The following CCDC141 variants were observed in gnomAD, a reference collection of about 807,000 sequenced individuals.
The protein encoded by CCDC141 is coiled-coil domain-containing protein 141.
A neutral mutation model predicts 181.0 loss-of-function variants in CCDC141; 168 were observed. The ratio of observed to expected loss-of-function variants is 0.93; its 90% CI spans 0.82 to 1.05. The LOEUF (loss-of-function observed/expected upper bound fraction) is 1.05, where lower values mean the gene tolerates loss of function less well. Among genes scored for constraint, CCDC141 ranks in the 50% least tolerant of loss-of-function variants. CCDC141 has a pLI of 0.00. For synonymous variants in CCDC141, 666 were observed against 642.3 expected, an observed-to-expected ratio of 1.04 and a Z score of -0.56; for missense variants, 1,902 against 1,788.5, an observed-to-expected ratio of 1.06 and a Z score of -1.14.
chr2:178,944,674 A>C (rs777603237), intron 5 of CCDC141, 23 bp from the exon 6 acceptor site: 17 of 1,123,588 alleles, frequency 1.5e-5, no homozygotes, highest in Non-Finnish European at 2.0e-5. Context: ...CAACAAAGAA[A>C]GATCAAAATT....
At position 178,834,382 on chromosome 2, in the gene CCDC141, T is replaced by A. The variant is rs934941192; in HGVS notation, c.4384A>T (p.Thr1462Ser). The A allele has an allele frequency of 5.2e-6, 8 of 1,536,314 alleles. No individual in the cohort carries two copies. Among genetic ancestry groups the A allele is most frequent in the Non-Finnish European group, 6.1e-6 (7 of 1,146,914 alleles). The change falls in exon 24 of 24, where the codon ACA becomes TCA. Residue 1462 changes from threonine to serine, a missense_variant. Coordinates refer to ENST00000443758, the MANE Select transcript of CCDC141 (RefSeq NM_173648.4). ...TTTGGAATGAACACCGAATGCCTTG[T>A]CTCCTTGTGTAAAACCTGTAAGTGC... ...DGHLQVLHKE[T>S]RHSVFIPKVC...
At chr2:178,896,837 G>GGT (rs1687431659) in intron 8 of CCDC141, among the ~76,000 whole-genome samples, 1 of 152,076 alleles carries the variant, frequency 6.6e-6, no homozygotes, top group South Asian at 2.1e-4. Context: ...CATTTCACAG[G>GGT]GTGGTTTTGA....
intron 2 of CCDC141, among the ~76,000 whole-genome samples, chr2:179,000,639 A>G (rs1408251568): frequency 6.6e-6 from 1 of 152,170 alleles, no homozygotes; most frequent in Non-Finnish European, 1.5e-5. Context: ...CTGTTGTTAA[A>G]TTTTAAATCT....
At chr2:178,923,165 C>T (rs1405428870) in intron 6 of CCDC141, among the ~76,000 whole-genome samples, 10 of 144,364 alleles carry the variant, frequency 6.9e-5, no homozygotes, top group Non-Finnish European at 1.2e-4. Flanking sequence ...AGTGCAGTGG[C>T]GGGATCTCGG....
At chr2:178,817,577 T>G in the CCDC141 span, 26 of 470,964 alleles carry the variant, frequency 5.5e-5, no homozygotes, top group Non-Finnish European at 1.1e-4. Flanking sequence ...AAGTGACACA[T>G]GGTCCTGATC....
intron 2 of CCDC141, among the ~76,000 whole-genome samples, chr2:179,043,896 T>C (rs191491570): frequency 4.2e-4 from 64 of 152,262 alleles, no homozygotes; most frequent in African/African-American, 1.4e-3. Flanking sequence ...TCTAAGGACA[T>C]AGGAAAAATC....
At chr2:178,845,139 C>T (rs192615061) in intron 22 of CCDC141, among the ~76,000 whole-genome samples, 3 of 152,052 alleles carry the variant, frequency 2.0e-5, no homozygotes, top group Non-Finnish European at 4.4e-5. Context: ...GATAAATGTG[C>T]CTGGAAATAT....
At chr2:178,857,258 C>T (rs1254912909) in intron 17 of CCDC141, among the ~76,000 whole-genome samples, 1 of 152,142 alleles carries the variant, frequency 6.6e-6, no homozygotes, top group East Asian at 1.9e-4. Flanking sequence ...GAAGCGTTGA[C>T]ATTTAGACCA....
At position 178,837,667 on chromosome 2, in the gene CCDC141, G is replaced by A. The variant is rs1278132487; in HGVS notation, c.3552C>T (p.Ser1184=). The change falls in exon 23 of 24, where the codon TCC becomes TCT. Residue 1184 remains serine (S), a synonymous_variant. Coordinates refer to ENST00000443758, the MANE Select transcript of CCDC141 (RefSeq NM_173648.4). Reference sequence around the variant, plus strand: ...CCTGGACGCCACCCTCCTTGTCAGTGGACACCTTCAGGTCTTGTGGTAGTC... The same window carrying A: ...CCTGGACGCCACCCTCCTTGTCAGTAGACACCTTCAGGTCTTGTGGTAGTC... ...EERLPQDLKV[S]TDKEGGVQDL... is the part of the protein sequence containing the mutation. 4.3e-6 allele frequency: 7 copies of A among 1,613,964 alleles called. No individual in the cohort carries two copies. The South Asian group carries it at 5.5e-5, about 13-fold the overall frequency.
chr2:178,853,752 G>T, intron 19 of CCDC141, 128 bp from the exon 20 acceptor site: 1 of 682,218 alleles, frequency 1.5e-6, no homozygotes, highest in Non-Finnish European at 2.4e-6. Flanking sequence ...AACTTTCTAA[G>T]TCATAATAAA....
intron 22 of CCDC141, among the ~76,000 whole-genome samples, chr2:178,843,860 C>G (rs1485768499): frequency 6.6e-6 from 1 of 152,154 alleles, no homozygotes; most frequent in Non-Finnish European, 1.5e-5. Flanking sequence ...GTGAAGATTA[C>G]TGCCACCTTT....
intron 9 of CCDC141, among the ~76,000 whole-genome samples, chr2:178,888,213 C>T (rs1297271990): frequency 6.6e-6 from 1 of 152,152 alleles, no homozygotes; most frequent in East Asian, 1.9e-4. Context: ...GAACCATGCT[C>T]AGAACCATGC....
chr2:178,822,436 A>AG, the CCDC141 span, among the ~76,000 whole-genome samples: 2 of 151,758 alleles, frequency 1.3e-5, no homozygotes, highest in Non-Finnish European at 2.9e-5. Flanking sequence ...CCTGAAAAAA[A>AG]AAAAAGAATT....
chr2:178,948,017 T>C (rs544384151), intron 5 of CCDC141, among the ~76,000 whole-genome samples: 1 of 152,172 alleles, frequency 6.6e-6, no homozygotes, highest in South Asian at 2.1e-4. Flanking sequence ...CTGGGCAACA[T>C]GGCAAAACCA....
At chr2:178,920,629 T>A (rs944141067) in intron 6 of CCDC141, among the ~76,000 whole-genome samples, 11 of 151,468 alleles carry the variant, frequency 7.3e-5, no homozygotes, top group African/African-American at 2.2e-4. Context: ...GGGGCTGAGG[T>A]AGGAGGATCG....
At chr2:178,930,433 T>C (rs1478772260) in intron 6 of CCDC141, among the ~76,000 whole-genome samples, 2 of 152,144 alleles carry the variant, frequency 1.3e-5, no homozygotes, top group Non-Finnish European at 2.9e-5. Context: ...CACTGGCCTT[T>C]TTTGAAGAAA....
chr2:178,952,108 G>A (rs1689974208), intron 5 of CCDC141, among the ~76,000 whole-genome samples: 1 of 152,226 alleles, frequency 6.6e-6, no homozygotes, highest in South Asian at 2.1e-4. Context: ...AGCTAAAACT[G>A]ATCTTTTGAG....
At chr2:178,888,689 G>A in intron 8 of CCDC141, 21 bp from the exon 9 acceptor site, 2 of 1,550,014 alleles carry the variant, frequency 1.3e-6, no homozygotes, top group Non-Finnish European at 1.7e-6. Context: ...CAAGCCAGCT[G>A]TTAATTCACT....
intron 4 of CCDC141, among the ~76,000 whole-genome samples, chr2:178,967,004 T>A (rs1023189817): frequency 3.3e-5 from 5 of 151,686 alleles, no homozygotes; most frequent in South Asian, 2.1e-4. Context: ...AGGATATCAG[T>A]GATTGAAGAC....
Sources: allele counts gnomAD v4.1 joint callset (sites outside exome capture counted in the v4.1 genomes callset), GRCh38; gene constraint gnomAD v4.1.1; transcripts MANE v1.5; gene names NCBI Gene and HGNC (gene_info 2026-07-23, HGNC 2026-07-21).